The following PHF24 variants were observed in gnomAD, a reference collection of about 807,000 sequenced individuals.
PHF24 encodes the protein PHD finger protein 24.
A neutral mutation model predicts 42.6 loss-of-function variants in PHF24; 25 were observed. That is an observed-to-expected ratio of 0.59 (90% CI 0.43 to 0.82). The LOEUF is 0.82. PHF24 is among the 40% of genes least tolerant of loss of function. PHF24 has a pLI of 0.00. For synonymous variants in PHF24, 185 were observed against 204.8 expected, an observed-to-expected ratio of 0.90 and a Z score of 0.83; for missense variants, 470 against 538.1, an observed-to-expected ratio of 0.87 and a Z score of 1.25.
the PHF24 span, among the ~76,000 whole-genome samples, chr9:34,779,122 G>A: frequency 2.0e-5 from 3 of 151,956 alleles, no homozygotes; most frequent in Non-Finnish European, 4.4e-5. Context: ...GAGTTATAGT[G>A]ATAAACATCT....
At chr9:34,843,392 T>A in the PHF24 span, among the ~76,000 whole-genome samples, 1 of 152,188 alleles carries the variant, frequency 6.6e-6, no homozygotes, top group African/African-American at 2.4e-5. Context: ...GTTAAAAAAA[T>A]ATCAAGTGAC....
At chr9:34,929,934 G>C in the PHF24 span, among the ~76,000 whole-genome samples, 2 of 152,152 alleles carry the variant, frequency 1.3e-5, no homozygotes, top group East Asian at 3.8e-4. Flanking sequence ...ATTTCAGCGA[G>C]ATCTGGATAC....
At chr9:34,686,991 T>C in the PHF24 span, among the ~76,000 whole-genome samples, 8 of 150,384 alleles carry the variant, frequency 5.3e-5, no homozygotes, top group African/African-American at 2.0e-4. Flanking sequence ...CTCAGATTGC[T>C]GGGCAATTGT....
At chr9:34,725,808 G>T in the PHF24 span, 7 of 1,549,368 alleles carry the variant, frequency 4.5e-6, no homozygotes, top group Middle Eastern at 1.7e-4. Context: ...GGGAGCAGTT[G>T]GGGGAAGGAG....
the PHF24 span, among the ~76,000 whole-genome samples, chr9:34,900,083 C>T: frequency 6.6e-6 from 1 of 152,184 alleles, no homozygotes; most frequent in Non-Finnish European, 1.5e-5. Flanking sequence ...ATTGACTCCA[C>T]TTATGGACAC....
the PHF24 span, chr9:34,836,169 C>A: frequency 2.6e-6 from 1 of 386,486 alleles, no homozygotes; most frequent in Non-Finnish European, 5.2e-6. Flanking sequence ...AGCCTACACC[C>A]CCTTCATGTC....
chr9:34,809,781 C>T, the PHF24 span, among the ~76,000 whole-genome samples: 1 of 152,144 alleles, frequency 6.6e-6, no homozygotes, highest in Non-Finnish European at 1.5e-5. The surrounding 1 kb of genome is among the most constrained non-coding windows in gnomAD (Gnocchi z 4.1). Context: ...CTGTTTCAGT[C>T]CCCGCGCCGC....
At chr9:34,827,932 C>G in the PHF24 span, among the ~76,000 whole-genome samples, 2 of 152,094 alleles carry the variant, frequency 1.3e-5, no homozygotes. Flanking sequence ...TTTCTGTGAT[C>G]TCTCCTGCTG....
At chr9:34,666,552 A>ATTTTTT in the PHF24 span, among the ~76,000 whole-genome samples, 237 of 132,566 alleles carry the variant, frequency 1.8e-3, 3 homozygotes, top group African/African-American at 4.6e-3. Flanking sequence ...TCTTCTTGTG[A>ATTTTTT]TTTTTTTTTT....
chr9:34,743,560 T>C, the PHF24 span, among the ~76,000 whole-genome samples: 1 of 152,210 alleles, frequency 6.6e-6, no homozygotes. Context: ...CTACGTGGGA[T>C]TTTGGGAAGA....
At chr9:34,908,267 C>A in the PHF24 span, among the ~76,000 whole-genome samples, 2 of 152,110 alleles carry the variant, frequency 1.3e-5, no homozygotes, top group African/African-American at 4.8e-5. Flanking sequence ...ATTTTAGGCT[C>A]CATTTAAGGC....
the PHF24 span, among the ~76,000 whole-genome samples, chr9:34,778,288 A>G: frequency 3.3e-5 from 5 of 152,246 alleles, no homozygotes; most frequent in Non-Finnish European, 7.3e-5. Flanking sequence ...ATAATAACAT[A>G]AAAGTAAATA....
At chr9:34,775,485 G>A in the PHF24 span, among the ~76,000 whole-genome samples, 1 of 152,132 alleles carries the variant, frequency 6.6e-6, no homozygotes, top group Non-Finnish European at 1.5e-5. Context: ...ACAGCAGTGG[G>A]AATGCACTTA....
the PHF24 span, among the ~76,000 whole-genome samples, chr9:34,863,175 A>T: frequency 2.6e-5 from 4 of 152,190 alleles, no homozygotes; most frequent in East Asian, 7.8e-4. Flanking sequence ...CAGTATCTCT[A>T]GACTCACTGG....
At chr9:34,907,429 C>A in the PHF24 span, among the ~76,000 whole-genome samples, 1 of 152,190 alleles carries the variant, frequency 6.6e-6, no homozygotes, top group African/African-American at 2.4e-5. Context: ...AACTTGTATG[C>A]CTTTTCACCT....
chr9:34,834,040 A>T, the PHF24 span: 3 of 1,549,410 alleles, frequency 1.9e-6, no homozygotes, highest in Non-Finnish European at 2.6e-6. Context: ...GTTCAGTGAC[A>T]GTACCTGGTA....
At chr9:34,807,133 AC>A in the PHF24 span, among the ~76,000 whole-genome samples, 1 of 152,178 alleles carries the variant, frequency 6.6e-6, no homozygotes, top group Non-Finnish European at 1.5e-5. Flanking sequence ...TCTTAGGGAG[AC>A]AGCATTCAGT....
the PHF24 span, among the ~76,000 whole-genome samples, chr9:34,704,699 G>C: frequency 1.9e-3 from 290 of 152,158 alleles, no homozygotes; most frequent in African/African-American, 6.7e-3. Context: ...AGCTGGGTGT[G>C]GTGGTGTGTG....
the PHF24 span, among the ~76,000 whole-genome samples, chr9:34,677,389 G>GTT: frequency 0.046 from 3,632 of 79,562 alleles, 325 homozygotes; most frequent in Non-Finnish European, 0.058. Flanking sequence ...TTTGTAAACT[G>GTT]TTTTTTTTTT....
Sources: gnomAD v4.1 joint callset for allele counts (sites outside exome capture counted in the v4.1 genomes callset) on GRCh38, gnomAD v4.1.1 for gene constraint, Gnocchi (gnomAD v3.1) non-coding constraint, MANE v1.5 for transcripts, NCBI Gene and HGNC (gene_info 2026-07-23, HGNC 2026-07-21) for gene names.